The following STKLD1 variants were observed in gnomAD, a reference collection of about 807,000 sequenced individuals.
The protein encoded by STKLD1 is serine/threonine kinase-like domain-containing protein STKLD1.
A neutral mutation model predicts 80.4 loss-of-function variants in STKLD1; 79 were observed. That is an observed-to-expected ratio of 0.98 (90% CI 0.82 to 1.19). STKLD1 has a LOEUF of 1.19. Ranked by LOEUF, STKLD1 falls within the 50% of genes most tolerant of loss-of-function variation. STKLD1 has a pLI of 0.00. For synonymous variants in STKLD1, 393 were observed against 357.6 expected (o/e 1.10, Z -1.12); for missense variants, 841 against 856.0 (o/e 0.98, Z 0.22).
Position 133,376,371 on chromosome 9 carries a change from C to T in STKLD1, c.-103C>T. 1 of 1,405,780 alleles carries T rather than the reference C, an allele frequency of 7.1e-7. No homozygotes were observed. Among genetic ancestry groups the T allele is most frequent in the South Asian group, 1.4e-5 (1 of 69,458 alleles). The allele number at this position is 1,405,780 out of a possible 1,614,324, so 87.1% of individuals were successfully genotyped here. A position where few individuals can be genotyped will look rare whatever the true frequency, so the allele number is the denominator to read the frequency against. ...AGCGCGCGGGAGGGACGCCTGAGTG[C>T]CTCGAGGGCGCCGTTCGGGCGGGGA... On this transcript the variant is annotated 5_prime_UTR_variant, in exon 1 of 18. Coordinates refer to ENST00000371957, the MANE Select transcript of STKLD1 (RefSeq NM_153710.5).
chr9:133,395,323 T>C (rs1838531403), intron 8 of STKLD1, among the ~76,000 whole-genome samples: 1 of 152,008 alleles, frequency 6.6e-6, no homozygotes, highest in Non-Finnish European at 1.5e-5. Context: ...CTCTGTGAAA[T>C]GGGCATGCTG....
chr9:133,394,238 C>G lies in STKLD1; in HGVS notation c.584-53C>G. ...CTGGGCAGGGTGACTCTGTCAAGCC[C>G]CTGCCCCCAGGGAGCAAAGGACTCA... On this transcript the variant is annotated intron_variant, in intron 7 of 17. Coordinates refer to ENST00000371957, the MANE Select transcript of STKLD1 (RefSeq NM_153710.5). This position sits in a 1 kb window ranked among gnomAD's most constrained non-coding sequence, Gnocchi z 4.9. 7.8e-7 allele frequency: 1 copy of G among 1,282,488 alleles called. No homozygotes were observed. The highest frequency in any genetic ancestry group is 1.1e-6 in the Non-Finnish European group (1 of 878,052). 79.4% of individuals were successfully genotyped at this position (1,282,488 alleles called of 1,614,324 possible). A position where few individuals can be genotyped will look rare whatever the true frequency, so the allele number is the denominator to read the frequency against.
chr9:133,382,278 C>T (rs1838149855), intron 2 of STKLD1, among the ~76,000 whole-genome samples: 1 of 152,252 alleles, frequency 6.6e-6, no homozygotes, highest in Non-Finnish European at 1.5e-5. Flanking sequence ...GGATCCTTTA[C>T]TGAGTTCTTG....
chr9:133,387,646 G>A, intron 5 of STKLD1, 98 bp downstream of exon 5: 1 of 916,668 alleles, frequency 1.1e-6, no homozygotes, highest in Admixed American at 1.8e-5. Flanking sequence ...CAGGCACCAT[G>A]GAGTCCAGCC....
rs2130273704 is a variant in STKLD1, at chr9:133,385,077, G to A, written c.220-540G>A. Reference sequence around the variant, plus strand: ...CGCCGCCGTGGCTTTTCACGTTGCCGATTCCCATCCACAGCCCACTAGGTA... The same window carrying A: ...CGCCGCCGTGGCTTTTCACGTTGCCAATTCCCATCCACAGCCCACTAGGTA... On this transcript the variant is annotated intron_variant, in intron 3 of 17. Transcript: ENST00000371957. The surrounding 1 kb of genome is among the most constrained non-coding windows in gnomAD (Gnocchi z 4.9). Among the ~76,000 whole-genome samples the A allele has an allele frequency of 9.2e-5, 14 of 152,192 alleles. No individual in the cohort carries two copies. The highest frequency in any genetic ancestry group is 3.1e-4 in the African/African-American group (13 of 41,446).
chr9:133,395,882 CCT>C, intron 9 of STKLD1, 119 bp downstream of exon 9: 1 of 1,004,048 alleles, frequency 1.0e-6, no homozygotes, highest in Non-Finnish European at 1.5e-6. Context: ...TCACAGATGC[CCT>C]GATTATCCCT....
At chr9:133,399,365 G>A (rs937471410) in intron 11 of STKLD1, among the ~76,000 whole-genome samples, 3 of 152,132 alleles carry the variant, frequency 2.0e-5, no homozygotes, top group Non-Finnish European at 2.9e-5. Context: ...CCTGGCCTTT[G>A]AGTAGGTAGC....
At chr9:133,381,519 C>T (rs1191796941) in intron 2 of STKLD1, among the ~76,000 whole-genome samples, 9 of 145,278 alleles carry the variant, frequency 6.2e-5, no homozygotes, top group African/African-American at 7.7e-5. Flanking sequence ...GGCGTGATCT[C>T]GGCACACTGC....
Position 133,405,278 on chromosome 9 carries a change from A to G in STKLD1, c.1900A>G (p.Ser634Gly), listed in dbSNP as rs151334521. The G allele has an allele frequency of 3.1e-4, 507 of 1,611,994 alleles. 8 individuals are homozygous for G. In the East Asian group the frequency reaches 8.3e-3, roughly 27 times the overall value. ...GGAGATCCTGCCGGAGCTGGTGTCC[A>G]GTAGTATGAAGGCCCTGCTCCAGGA... ...YEEILPELVS[S>G]SMKALLQEIK... Residue 634 changes from serine to glycine, a missense_variant, in exon 18 of 18, where the codon AGT (serine) becomes GGT (glycine). Transcript: ENST00000371957.
rs2130259305 is a variant in STKLD1, at chr9:133,379,026, T to A, written c.88-10T>A. On this transcript the variant is annotated splice_polypyrimidine_tract_variant and intron_variant, in intron 1 of 17. Transcript: ENST00000371957. Reference sequence around the variant, plus strand: ...CATTTCCTGAAAGCTTCTCTCTTCCTTGCTGATAGGTTTTGTACCAGCTGA... The same window carrying A: ...CATTTCCTGAAAGCTTCTCTCTTCCATGCTGATAGGTTTTGTACCAGCTGA... The A allele has an allele frequency of 6.2e-7, 1 of 1,611,896 alleles. No individual in the cohort carries two copies. The highest frequency in any genetic ancestry group is 1.1e-5 in the South Asian group (1 of 90,824).
At chr9:133,400,610 C>CACTTGG in intron 12 of STKLD1, 81 bp downstream of exon 12, 1 of 1,197,972 alleles carries the variant, frequency 8.3e-7, no homozygotes, top group Non-Finnish European at 1.2e-6. Flanking sequence ...CCAAGGTGGG[C>CACTTGG]ACCGGGCCGG....
chr9:133,393,568 G>GGTGAGTGT (rs1838477800), intron 7 of STKLD1, among the ~76,000 whole-genome samples: 1 of 150,154 alleles, frequency 6.7e-6, no homozygotes, highest in African/African-American at 2.5e-5. Flanking sequence ...TGGGTAGATG[G>GGTGAGTGT]GTGGGTATGT....
Position 133,390,582 on chromosome 9 carries a change from T to G in STKLD1, c.468-99T>G. On this transcript the variant is annotated intron_variant, in intron 6 of 17. Coordinates refer to ENST00000371957, the MANE Select transcript of STKLD1 (RefSeq NM_153710.5). The surrounding 1 kb of genome is among the most constrained non-coding windows in gnomAD (Gnocchi z 5.1). ...ACCAGGTGGGGCAGGGAGCAGAGAG[T>G]CAGGCTCAGCACACACACTGGTCCC... The G allele has an allele frequency of 1.2e-6, 1 of 818,496 alleles. No individual in the cohort carries two copies. Among genetic ancestry groups the G allele is most frequent in the Non-Finnish European group, 2.1e-6 (1 of 483,132 alleles). The allele number at this position is 818,496 out of a possible 1,614,324, so 50.7% of individuals were successfully genotyped here.
Position 133,380,735 on chromosome 9 carries a change from G to A in STKLD1, c.174+1613G>A, listed in dbSNP as rs1838109283. Reference sequence around the variant, plus strand: ...TAAAAATTGGGGAAAGAGAGTGTAGGTAGGAGTTTATGGGTTCTTCCAGTC... The same window carrying A: ...TAAAAATTGGGGAAAGAGAGTGTAGATAGGAGTTTATGGGTTCTTCCAGTC... On this transcript the variant is annotated intron_variant, in intron 2 of 17. Transcript: ENST00000371957. Among the ~76,000 whole-genome samples, 3 of 152,054 alleles carry A rather than the reference G, an allele frequency of 2.0e-5. No individual in the cohort carries two copies. In the South Asian group the frequency reaches 6.2e-4, roughly 32 times the overall value.
At chr9:133,393,911 C>T (rs1435371103) in intron 7 of STKLD1, 4 of 174,488 alleles carry the variant, frequency 2.3e-5, no homozygotes, top group African/African-American at 7.1e-5. Flanking sequence ...TGTAACTTTG[C>T]CCCCAAGGTC....
chr9:133,402,984 G>A lies in STKLD1; in HGVS notation c.1446G>A (p.Leu482=). ...LESRDVCASG[L]GLLWALLLDG... ...GCAGGGACGTCTGCGCCAGCGGCCT[G>A]GGCCTGCTCTGGGCCCTCCTGCTGG... Residue 482 remains leucine, a synonymous_variant, in exon 14 of 18, where the codon CTG becomes CTA. Coordinates refer to ENST00000371957, the MANE Select transcript of STKLD1 (RefSeq NM_153710.5). 2 of 1,576,276 alleles carry A rather than the reference G, an allele frequency of 1.3e-6. No homozygotes were observed. The highest frequency in any genetic ancestry group is 1.3e-5 in the African/African-American group (1 of 74,216).
At chr9:133,397,830 A>G in intron 10 of STKLD1, 142 bp from the exon 11 acceptor site, 1 of 645,862 alleles carries the variant, frequency 1.5e-6, no homozygotes, top group Non-Finnish European at 2.7e-6. Flanking sequence ...GGGGATGGTA[A>G]CAGCCCCTCC....
chr9:133,389,592 C>T lies in STKLD1; in HGVS notation c.463C>T (p.His155Tyr), dbSNP rs1170332541. 1 of 1,613,294 alleles carries T rather than the reference C, an allele frequency of 6.2e-7. No individual in the cohort carries two copies. ...ATACCTGCACCATTTGGACATCATC[C>T]ACAGGTAAGTGGGGCCCCTGACCTC... is the stretch of plus-strand genomic sequence containing the variant. ...LEYLHHLDII[H>Y]RNLKPSNIIL... The change falls in exon 6 of 18, where the codon CAC (histidine) becomes TAC (tyrosine). Residue 155 changes from histidine (H) to tyrosine (Y), a missense_variant. Physicochemically the swap from His to Tyr is moderately conservative, Grantham distance 83. Coordinates refer to ENST00000371957, the MANE Select transcript of STKLD1 (RefSeq NM_153710.5). This position sits in a 1 kb window ranked among gnomAD's most constrained non-coding sequence, Gnocchi z 6.4.
Position 133,397,223 on chromosome 9 carries a change from C to T in STKLD1, c.926C>T (p.Thr309Ile). Residue 309 changes from threonine to isoleucine, a missense_variant, in exon 10 of 18, where the codon ACC (threonine) becomes ATC (isoleucine). Transcript: ENST00000371957. ...GSFKSSCVSL[T>I]LHRQMVPASI... The stretch of plus-strand genomic sequence containing the variant: ...TTCAAGTCCTCGTGCGTCTCTCTGA[C>T]CCTGCACCGGCAGATGGTGCCTGCG... The T allele has an allele frequency of 6.2e-7, 1 of 1,614,000 alleles. No homozygotes were observed. Among genetic ancestry groups the T allele is most frequent in the Non-Finnish European group, 8.5e-7 (1 of 1,180,024 alleles).
Sources: allele counts gnomAD v4.1 joint callset (sites outside exome capture counted in the v4.1 genomes callset), GRCh38; gene constraint gnomAD v4.1.1; non-coding constraint Gnocchi (gnomAD v3.1); transcripts MANE v1.5; gene names NCBI Gene and HGNC (gene_info 2026-07-23, HGNC 2026-07-21).